RBFOX2: variants seen among roughly 807,000 people sequenced by gnomAD.
RBFOX2 encodes RNA binding protein fox-1 homolog 2.
A neutral mutation model predicts 49.1 loss-of-function variants in RBFOX2; 10 were observed. The ratio of observed to expected loss-of-function variants is 0.20; its 90% CI spans 0.13 to 0.35. The LOEUF (loss-of-function observed/expected upper bound fraction) is 0.35. Ranked by LOEUF, RBFOX2 falls within the 10% of genes least tolerant of loss-of-function variation. The pLI is 1.00. For missense variants in RBFOX2, 323 were observed against 486.9 expected, an observed-to-expected ratio of 0.66 and a Z score of 3.17; for synonymous variants, 183 against 187.4, an observed-to-expected ratio of 0.98 and a Z score of 0.19.
At chr22:35,756,969 T>C (rs988861702) in intron 9 of RBFOX2, among the ~76,000 whole-genome samples, 7 of 151,988 alleles carry the variant, frequency 4.6e-5, no homozygotes, top group Non-Finnish European at 1.0e-4. Context: ...AAAGGTGCAG[T>C]GGGGATCCCA....
At chr22:35,835,959 T>C (rs1957577729) in intron 1 of RBFOX2, among the ~76,000 whole-genome samples, 1 of 151,874 alleles carries the variant, frequency 6.6e-6, no homozygotes, top group East Asian at 1.9e-4. Context: ...TTTTTTTTCA[T>C]TGTAAAGGAA....
At chr22:35,950,438 T>A (rs1341026772) in intron 1 of RBFOX2, among the ~76,000 whole-genome samples, 1 of 152,184 alleles carries the variant, frequency 6.6e-6, no homozygotes, top group Non-Finnish European at 1.5e-5. Flanking sequence ...TCTTACAGGA[T>A]AAGCAGTTTC....
intron 1 of RBFOX2, among the ~76,000 whole-genome samples, chr22:35,859,831 G>A (rs2042919125): frequency 6.6e-6 from 1 of 152,142 alleles, no homozygotes; most frequent in African/African-American, 2.4e-5. Flanking sequence ...CCAAAGTGCT[G>A]GCATTACAGG....
chr22:35,866,417 T>C (rs1222239119), intron 1 of RBFOX2, among the ~76,000 whole-genome samples: 1 of 152,326 alleles, frequency 6.6e-6, no homozygotes, highest in Non-Finnish European at 1.5e-5. Context: ...TATTTATGCA[T>C]TAATTTACAC....
At chr22:35,941,574 C>G (rs1439797668), upstream of RBFOX2, among the ~76,000 whole-genome samples, 4 of 151,998 alleles carry the variant, frequency 2.6e-5, no homozygotes, top group Admixed American at 2.0e-4. Flanking sequence ...CATATTATTC[C>G]CTTACAATAA....
intron 1 of RBFOX2, among the ~76,000 whole-genome samples, chr22:36,026,588 TCACCAGCACCTA>T (rs2059449280): frequency 6.6e-6 from 1 of 150,564 alleles, no homozygotes; most frequent in African/African-American, 2.5e-5. Flanking sequence ...TAGAACCTGC[TCACCAGCACCTA>T]CATCCAGTCT....
At chr22:35,739,675 A>T (rs1331578014) in exon 12 of RBFOX2, 1 of 152,648 alleles carries the variant, frequency 6.6e-6, no homozygotes, top group African/African-American at 2.4e-5. Flanking sequence ...AACATTTTTT[A>T]AAAATTCAGA....
At position 35,749,521 on chromosome 22, in the gene RBFOX2, GCACA is replaced by G. The variant is rs761805368; in HGVS notation, c.888-2964_888-2961del. Reference sequence around the variant, plus strand: ...CTCTCTCTCTCTTACACACACACACGCACACACACACATACACTTACTCGAAAGT... The same window carrying G: ...CTCTCTCTCTCTTACACACACACACGCACACACATACACTTACTCGAAAGT... On this transcript the variant is annotated intron_variant, in intron 9 of 11. Transcript: ENST00000405409. This position sits in a 1 kb window ranked among gnomAD's most constrained non-coding sequence, Gnocchi z 4.1. Among the ~76,000 whole-genome samples the G allele has an allele frequency of 5.4e-5, 8 of 148,544 alleles. No homozygotes were observed. The highest frequency in any genetic ancestry group is 1.2e-4 in the Non-Finnish European group (8 of 66,178).
chr22:35,853,376 TA>T (rs1214432948), intron 1 of RBFOX2, among the ~76,000 whole-genome samples: 2 of 151,908 alleles, frequency 1.3e-5, no homozygotes, highest in Non-Finnish European at 2.9e-5. Context: ...TGAAATTATA[TA>T]GGGGTATGCA....
chr22:35,978,599 G>A (rs2057310040), intron 1 of RBFOX2, among the ~76,000 whole-genome samples: 1 of 152,120 alleles, frequency 6.6e-6, no homozygotes, highest in African/African-American at 2.4e-5. Flanking sequence ...AGAAAATAAG[G>A]AAATGTCCCA....
At chr22:36,021,238 G>A (rs2059233423) in intron 1 of RBFOX2, among the ~76,000 whole-genome samples, 1 of 110,136 alleles carries the variant, frequency 9.1e-6, no homozygotes, top group African/African-American at 3.5e-5. Context: ...ACACAATGGG[G>A]CCTGTCCTGG....
chr22:35,863,881 C>G (rs935826750), intron 1 of RBFOX2, among the ~76,000 whole-genome samples: 1 of 152,156 alleles, frequency 6.6e-6, no homozygotes. Context: ...GATTAGAAAT[C>G]GAAGTTGCCC....
At chr22:35,975,078 A>G (rs2150030102) in intron 1 of RBFOX2, among the ~76,000 whole-genome samples, 1 of 152,350 alleles carries the variant, frequency 6.6e-6, no homozygotes, top group Non-Finnish European at 1.5e-5. Flanking sequence ...TAGTAAAATG[A>G]ATTATTAGAA....
At chr22:35,761,261 T>C (rs940007018) in exon 8 of RBFOX2, 36 of 1,614,058 alleles carry the variant, frequency 2.2e-5, no homozygotes, top group Non-Finnish European at 3.0e-5. Flanking sequence ...TGCTGCATCA[T>C]TGCCTAGGGA....
At chr22:35,996,938 A>C (rs965762523) in intron 1 of RBFOX2, 2 of 152,228 alleles carry the variant, frequency 1.3e-5, no homozygotes, top group South Asian at 4.1e-4. Context: ...GAGGTCCTGA[A>C]GAAAATGGTG....
intron 1 of RBFOX2, among the ~76,000 whole-genome samples, chr22:35,873,567 T>C (rs2044632924): frequency 1.3e-5 from 2 of 152,190 alleles, no homozygotes; most frequent in South Asian, 2.1e-4. Flanking sequence ...GTCATGCAAA[T>C]ATTAGTATCA....
At chr22:35,918,172 G>T (rs534598170) in intron 1 of RBFOX2, among the ~76,000 whole-genome samples, 1 of 152,308 alleles carries the variant, frequency 6.6e-6, no homozygotes, top group African/African-American at 2.4e-5. Flanking sequence ...CAAGACAAAT[G>T]ATTACAATTC....
chr22:35,891,849 CAAA>C (rs969989329), intron 1 of RBFOX2, among the ~76,000 whole-genome samples: 5 of 108,648 alleles, frequency 4.6e-5, no homozygotes, highest in Admixed American at 9.8e-5. Flanking sequence ...CTGTGCAACG[CAAA>C]AAAAAAAAAA....
In RBFOX2 at chr22:35,872,535, TCCA is replaced by T. The variant is rs1442093082; in HGVS notation, c.-33-62534_-33-62532del. ...AAGTTTTATTGAGTGGAAGGATTTT[TCCA>T]CCAATGTGGGAGCCAGAAGGGAGAT... On this transcript the variant is annotated intron_variant, in intron 1 of 13. Coordinates refer to the RBFOX2 transcript ENST00000359369. 2.6e-5 allele frequency among the ~76,000 whole-genome samples: 4 copies of T among 152,184 alleles called. No homozygotes were observed. The South Asian group carries it at 8.3e-4, about 32-fold the overall frequency.
Sources: allele counts gnomAD v4.1 joint callset (sites outside exome capture counted in the v4.1 genomes callset), GRCh38; gene constraint gnomAD v4.1.1; non-coding constraint Gnocchi (gnomAD v3.1); transcripts MANE v1.5; gene names NCBI Gene and HGNC (gene_info 2026-07-23, HGNC 2026-07-21).